The following TULP4 variants were observed in gnomAD, a reference collection of about 807,000 sequenced individuals.
The protein encoded by TULP4 is TUB like protein 4.
Under a neutral mutation model 129.0 loss-of-function variants are expected in TULP4, and 16 were observed. The ratio of observed to expected loss-of-function variants is 0.12; its 90% confidence interval spans 0.08 to 0.19. The LOEUF is 0.19. Ranked by LOEUF, TULP4 falls within the 10% of genes least tolerant of loss-of-function variation. The pLI is 1.00. For missense variants in TULP4, 1,842 were observed against 2,059.1 expected (o/e 0.89, Z 2.04); for synonymous variants, 998 against 854.0 (o/e 1.17, Z -2.94).
chr6:158,246,076 T>A (rs1485500304), intron 1 of TULP4, among the ~76,000 whole-genome samples: 1 of 146,156 alleles, frequency 6.8e-6, no homozygotes, highest in Non-Finnish European at 1.5e-5. Context: ...TGTTCTCAAT[T>A]GAGATTTCTA....
chr6:158,347,739 C>A (rs999856390), intron 1 of TULP4, among the ~76,000 whole-genome samples: 7 of 152,234 alleles, frequency 4.6e-5, no homozygotes, highest in African/African-American at 1.7e-4. Context: ...CTTCTTGACA[C>A]TTAGATTCTA....
chr6:158,253,394 G>GT (rs1297005714), intron 1 of TULP4, among the ~76,000 whole-genome samples: 7 of 147,618 alleles, frequency 4.7e-5, no homozygotes, highest in Non-Finnish European at 1.5e-5. Flanking sequence ...CTGCTCTCCT[G>GT]TCTCTGCCCT....
intron 1 of TULP4, among the ~76,000 whole-genome samples, chr6:158,367,644 G>T (rs1164974729): frequency 6.6e-6 from 1 of 152,080 alleles, no homozygotes; most frequent in Admixed American, 6.6e-5. Flanking sequence ...AACTTTTACA[G>T]CTAGTACATT....
intron 1 of TULP4, 108 bp from the exon 2 acceptor site, chr6:158,412,957 C>G: frequency 2.8e-6 from 4 of 1,438,804 alleles, no homozygotes; most frequent in Non-Finnish European, 3.7e-6. Context: ...CCAGTCTTCT[C>G]CCTTTATTGA....
Position 158,506,932 on chromosome 6 carries a change from A to G in TULP4, c.*238A>G. On this transcript the variant is annotated 3_prime_UTR_variant, in exon 14 of 14. Coordinates refer to ENST00000367097, the MANE Select transcript of TULP4 (RefSeq NM_020245.5). ...TTCTTTCATTTCAGTGGCATTTGGA[A>G]GCAAAGAGTGCTAGGCACCTGCTGT... 2 of 514,326 alleles carry G rather than the reference A, an allele frequency of 3.9e-6. No individual in the cohort carries two copies. Among genetic ancestry groups the G allele is most frequent in the Non-Finnish European group, 7.0e-6 (2 of 285,572 alleles). The allele number at this position is 514,326 out of a possible 1,614,324, so 31.9% of individuals were successfully genotyped here.
At chr6:158,497,100 A>G (rs908591731) in intron 11 of TULP4, among the ~76,000 whole-genome samples, 2 of 152,166 alleles carry the variant, frequency 1.3e-5, no homozygotes, top group Non-Finnish European at 2.9e-5. Flanking sequence ...CCATACCCCC[A>G]TCTTGGCCTC....
chr6:158,433,036 G>C (rs1257862554), intron 3 of TULP4, among the ~76,000 whole-genome samples: 1 of 152,148 alleles, frequency 6.6e-6, no homozygotes, highest in Non-Finnish European at 1.5e-5. Context: ...AATTGTTACA[G>C]GAATGTATTT....
chr6:158,481,562 C>T (rs1353821855), intron 8 of TULP4: 1 of 512,298 alleles, frequency 2.0e-6, no homozygotes, highest in Non-Finnish European at 3.5e-6. Flanking sequence ...TGGCGCAGTC[C>T]TCCTGGGAGT....
At chr6:158,454,018 A>AC (rs1554293006) in intron 5 of TULP4, among the ~76,000 whole-genome samples, 8,995 of 114,032 alleles carry the variant, frequency 0.079, 641 homozygotes, top group African/African-American at 0.15. Context: ...CTGCCTCTGC[A>AC]CCGCCCCCCC....
intron 3 of TULP4, among the ~76,000 whole-genome samples, chr6:158,443,778 A>C (rs1358975086): frequency 6.6e-6 from 1 of 152,172 alleles, no homozygotes; most frequent in Non-Finnish European, 1.5e-5. Flanking sequence ...TAAAAAAAAA[A>C]ACAGGAAATA....
chr6:158,452,041 AT>A, intron 4 of TULP4, 92 bp from the exon 5 acceptor site: 3 of 1,555,968 alleles, frequency 1.9e-6, no homozygotes, highest in Non-Finnish European at 2.6e-6. Flanking sequence ...TTGTCAGGCA[AT>A]TTCTAAGGCA....
At chr6:158,275,950 CTG>C (rs1170136330) in intron 1 of TULP4, among the ~76,000 whole-genome samples, 3 of 152,026 alleles carry the variant, frequency 2.0e-5, no homozygotes, top group Non-Finnish European at 4.4e-5. Context: ...GGAGTAAAGA[CTG>C]TAATAAACTA....
chr6:158,448,088 G>T (rs1484781572), intron 3 of TULP4, among the ~76,000 whole-genome samples: 2 of 152,174 alleles, frequency 1.3e-5, no homozygotes, highest in African/African-American at 4.8e-5. Context: ...GCGGCAGGGG[G>T]GATGTTCAGC....
upstream of TULP4, among the ~76,000 whole-genome samples, chr6:158,307,562 A>G (rs1370230855): frequency 1.3e-5 from 2 of 151,982 alleles, no homozygotes; most frequent in East Asian, 1.9e-4. Context: ...GCTCACTGCA[A>G]CCTCCGCCTC....
At chr6:158,462,338 G>C (rs143904754) in intron 6 of TULP4, among the ~76,000 whole-genome samples, 3 of 151,696 alleles carry the variant, frequency 2.0e-5, no homozygotes, top group Non-Finnish European at 2.9e-5. Flanking sequence ...TTGGTGCAGA[G>C]AGAGAGAGAC....
At chr6:158,443,983 GC>G (rs1778959714) in intron 3 of TULP4, among the ~76,000 whole-genome samples, 2 of 151,964 alleles carry the variant, frequency 1.3e-5, no homozygotes, top group Non-Finnish European at 2.9e-5. Context: ...ACTTTGGGGG[GC>G]CAGGGTGGGC....
chr6:158,351,179 G>A (rs185892119), intron 1 of TULP4, among the ~76,000 whole-genome samples: 3 of 152,214 alleles, frequency 2.0e-5, no homozygotes, highest in East Asian at 3.9e-4. Flanking sequence ...ACTGAACCCC[G>A]AATACTAACA....
intron 1 of TULP4, among the ~76,000 whole-genome samples, chr6:158,334,485 C>T (rs1026524610): frequency 2.6e-5 from 4 of 152,062 alleles, no homozygotes; most frequent in African/African-American, 7.2e-5. Context: ...TGTTAATTTA[C>T]TGTTTATGTT....
intron 3 of TULP4, among the ~76,000 whole-genome samples, chr6:158,440,596 T>C (rs576023961): frequency 1.2e-3 from 185 of 152,332 alleles, no homozygotes; most frequent in Non-Finnish European, 2.1e-3. Context: ...GGCCCATCTT[T>C]ATTTTAAGCC....
Sources: allele counts gnomAD v4.1 joint callset (sites outside exome capture counted in the v4.1 genomes callset), GRCh38; gene constraint gnomAD v4.1.1; transcripts MANE v1.5; gene names NCBI Gene and HGNC (gene_info 2026-07-23, HGNC 2026-07-21).